ATRIP: variants seen among roughly 807,000 people sequenced by gnomAD.
ATRIP encodes the protein ATR interacting protein, also known as ATR-interacting protein.
ATRIP carries 44 observed loss-of-function variants against 78.1 expected under a neutral mutation model. The observed-to-expected ratio is 0.56, with a 90% confidence interval of 0.44 to 0.72. The LOEUF (loss-of-function observed/expected upper bound fraction) is 0.72, where lower values mean the gene tolerates loss of function less well. Among genes scored for constraint, ATRIP ranks in the 30% least tolerant of loss-of-function variants. ATRIP has a pLI of 0.00. For missense variants in ATRIP, 927 were observed against 980.2 expected (o/e 0.95, Z 0.72); for synonymous variants, 388 against 408.9 (o/e 0.95, Z 0.62).
chr3:48,459,706 G>A, intron 6 of ATRIP, 81 bp from the exon 7 acceptor site: 4 of 1,558,864 alleles, frequency 2.6e-6, no homozygotes, highest in Non-Finnish European at 3.5e-6. Context: ...GGCATCCAAA[G>A]AATCCTTACT....
chr3:48,464,433 C>T, intron 10 of ATRIP, 149 bp from the exon 11 acceptor site: 1 of 942,398 alleles, frequency 1.1e-6, no homozygotes, highest in Non-Finnish European at 1.7e-6. Flanking sequence ...CCTGGGTCTT[C>T]CCTGGGAAGG....
chr3:48,466,387 A>T lies in ATRIP; in HGVS notation c.*833A>T. The T allele has an allele frequency of 6.6e-7, 1 of 1,512,786 alleles. No individual in the cohort carries two copies. Among genetic ancestry groups the T allele is most frequent in the Non-Finnish European group, 9.1e-7 (1 of 1,097,576 alleles). The allele number at this position is 1,512,786 out of a possible 1,614,324, so 93.7% of individuals were successfully genotyped here. ...CCCCACCCCAGACTAAGGGGGCACT[A>T]GGGGAGGGGCCGAGTCATGTGAAGA... On this transcript the variant is annotated 3_prime_UTR_variant, in exon 13 of 13. Coordinates refer to ENST00000320211, the MANE Select transcript of ATRIP (RefSeq NM_130384.3).
chr3:48,463,131 C>G (rs532558369), intron 8 of ATRIP, among the ~76,000 whole-genome samples: 10 of 152,210 alleles, frequency 6.6e-5, no homozygotes, highest in Non-Finnish European at 1.2e-4. Flanking sequence ...GTGGGTTGAG[C>G]AAACAGCAGC....
intron 8 of ATRIP, 148 bp from the exon 9 acceptor site, chr3:48,463,597 G>C: frequency 1.9e-6 from 2 of 1,080,764 alleles, no homozygotes; most frequent in Non-Finnish European, 2.7e-6. Flanking sequence ...GTAGGGGTCA[G>C]GCCAGCACTG....
At position 48,451,058 on chromosome 3, in the gene ATRIP, G is replaced by A. The variant is rs1046804887; in HGVS notation, c.382-671G>A. Among the ~76,000 whole-genome samples the A allele has an allele frequency of 7.3e-5, 11 of 151,722 alleles. 1 individual carries two copies. The South Asian group carries it at 2.1e-3, about 29-fold the overall frequency. On this transcript the variant is annotated intron_variant, in intron 2 of 12. Coordinates refer to ENST00000320211, the MANE Select transcript of ATRIP (RefSeq NM_130384.3). Reference sequence around the variant, plus strand: ...ACAAAAATTAGCTAGGCATGGTGGCGGGCACCTGTAATCTCAGCTACTCGG... The same window carrying A: ...ACAAAAATTAGCTAGGCATGGTGGCAGGCACCTGTAATCTCAGCTACTCGG...
rs1215975317 is a variant in ATRIP at position 48,464,098 on chromosome 3, C to T, written c.1940C>T (p.Ala647Val). ...ATCACATCACGGCCTGACAGAGTGG[C>T]CTTGGAGACACAATGGCTCCAGCTG... ...MYITSRPDRV[A>V]LETQWLQLEQ... The change falls in exon 10 of 13, where the codon GCC (alanine) becomes GTC (valine). Residue 647 changes from alanine to valine, a missense_variant. Physicochemically the swap from Ala to Val is moderately conservative, Grantham distance 64 (BLOSUM62 0). Transcript: ENST00000320211. The T allele has an allele frequency of 6.2e-7, 1 of 1,613,878 alleles. No individual in the cohort carries two copies. The highest frequency in any genetic ancestry group is 1.3e-5 in the African/African-American group (1 of 75,048).
chr3:48,458,480 A>G (rs933860022), intron 5 of ATRIP, among the ~76,000 whole-genome samples: 1 of 151,530 alleles, frequency 6.6e-6, no homozygotes, highest in African/African-American at 2.4e-5. Context: ...GCGCCACCAC[A>G]CCCAGCTAAT....
At position 48,466,514 on chromosome 3, in the gene ATRIP, G is replaced by C. The variant is rs1193276098; in HGVS notation, c.*960G>C. ...AAATGGGCCCTGGAGCTCGCAGACA[G>C]GGCAGGATTGTGCAGGGAAGGCCTG... On this transcript the variant is annotated 3_prime_UTR_variant, in exon 13 of 13. Coordinates refer to ENST00000320211, the MANE Select transcript of ATRIP (RefSeq NM_130384.3). The C allele has an allele frequency of 6.2e-7, 1 of 1,613,878 alleles. No homozygotes were observed. The highest frequency in any genetic ancestry group is 8.5e-7 in the Non-Finnish European group (1 of 1,180,022).
In ATRIP at chr3:48,464,023, G is replaced by A; in HGVS notation, c.1883-18G>A. 6.2e-7 allele frequency: 1 copy of A among 1,611,722 alleles called. No homozygotes were observed. Among genetic ancestry groups the A allele is most frequent in the Non-Finnish European group, 8.5e-7 (1 of 1,178,730 alleles). ...TGAGAAAGGGCACCCTGAGTGAGAG[G>A]TGCGCTGTCCTTTTCAGAAGGCTGC... is the stretch of plus-strand genomic sequence containing the variant. On this transcript the variant is annotated intron_variant, in intron 9 of 12. Coordinates refer to ENST00000320211, the MANE Select transcript of ATRIP (RefSeq NM_130384.3).
intron 5 of ATRIP, 59 bp downstream of exon 5, chr3:48,457,475 C>T: frequency 7.7e-7 from 1 of 1,290,870 alleles, no homozygotes; most frequent in Non-Finnish European, 1.0e-6. Context: ...TGGCTTAAAA[C>T]AATTATTATT....
chr3:48,464,262 T>A, intron 10 of ATRIP, 130 bp downstream of exon 10: 1 of 859,624 alleles, frequency 1.2e-6, no homozygotes, highest in Non-Finnish European at 1.8e-6. Context: ...ATAAAGCAAC[T>A]AAAGAGGTAA....
rs780467272 is a variant in ATRIP, at chr3:48,466,690, A to G, written c.*1136A>G. The G allele has an allele frequency of 2.7e-5, 44 of 1,613,828 alleles. 1 individual carries two copies. Among genetic ancestry groups the G allele is most frequent in the Non-Finnish European group, 3.7e-5 (44 of 1,179,974 alleles). On this transcript the variant is annotated 3_prime_UTR_variant, in exon 13 of 13. Coordinates refer to ENST00000320211, the MANE Select transcript of ATRIP (RefSeq NM_130384.3). ...CAGGCCCTGCCCCCGGGGCCCATGC[A>G]GACCCTCATCTTTTTCGACATGGAG...
intron 8 of ATRIP, among the ~76,000 whole-genome samples, chr3:48,461,676 T>A (rs2040115185): frequency 6.6e-6 from 1 of 151,408 alleles, no homozygotes; most frequent in African/African-American, 2.5e-5. Flanking sequence ...TCATAGTGGC[T>A]GTTTTTTTTT....
At chr3:48,451,051 T>C (rs548422455) in intron 2 of ATRIP, among the ~76,000 whole-genome samples, 10 of 151,888 alleles carry the variant, frequency 6.6e-5, no homozygotes, top group Admixed American at 5.9e-4. Context: ...TAGCTAGGCA[T>C]GGTGGCGGGC....
intron 9 of ATRIP, 46 bp downstream of exon 9, chr3:48,463,927 G>A (rs759684094): frequency 6.2e-6 from 10 of 1,611,288 alleles, no homozygotes; most frequent in East Asian, 2.2e-5. Context: ...TGCAGATCAA[G>A]GGAAGGGTTG....
rs2039690605 is a variant in ATRIP at position 48,446,933 on chromosome 3, C to T, written c.88C>T (p.Pro30Ser). The change falls in exon 1 of 13, where the codon CCG becomes TCG. Residue 30 changes from proline (P) to serine (S), a missense_variant. Physicochemically the swap from Pro to Ser is moderately conservative, Grantham distance 74 (BLOSUM62 -1). Coordinates refer to ENST00000320211, the MANE Select transcript of ATRIP (RefSeq NM_130384.3). ...PGPPPGTGHP[P>S]SKRARGFSAA... Reference sequence around the variant, plus strand: ...CCCGCCGCCGGGCACCGGGCACCCCCCGAGCAAGCGGGCCCGGGGCTTCTC... The same window carrying T: ...CCCGCCGCCGGGCACCGGGCACCCCTCGAGCAAGCGGGCCCGGGGCTTCTC... 1 of 1,461,018 alleles carries T rather than the reference C, an allele frequency of 6.8e-7. No homozygotes were observed. Among genetic ancestry groups the T allele is most frequent in the Admixed American group, 2.7e-5 (1 of 36,758 alleles). 90.5% of individuals were successfully genotyped at this position (1,461,018 alleles called of 1,614,324 possible). A position where few individuals can be genotyped will look rare whatever the true frequency, so the allele number is the denominator to read the frequency against.
chr3:48,465,194 G>T, intron 12 of ATRIP, 111 bp downstream of exon 12: 3 of 1,388,452 alleles, frequency 2.2e-6, no homozygotes, highest in Non-Finnish European at 2.9e-6. Context: ...ACTGCAGCCT[G>T]TTCCAGCACT....
intron 10 of ATRIP, 102 bp from the exon 11 acceptor site, chr3:48,464,480 A>G: frequency 7.7e-7 from 1 of 1,298,342 alleles, no homozygotes; most frequent in Non-Finnish European, 1.1e-6. Context: ...TGTGCAGACA[A>G]ACAGTTGCTG....
chr3:48,449,135 C>T lies in ATRIP; in HGVS notation c.248-902C>T, dbSNP rs1053966828. 7.2e-5 allele frequency among the ~76,000 whole-genome samples: 11 copies of T among 152,080 alleles called. No individual in the cohort carries two copies. In the East Asian group the frequency reaches 9.6e-4, roughly 13 times the overall value. On this transcript the variant is annotated intron_variant, in intron 1 of 12. Transcript: ENST00000320211. ...AGAAGGATCATTTATGAGTTTCAGC[C>T]GGGTGTGGTGGCTCACGCCTGTAAT...
Sources: allele counts gnomAD v4.1 joint callset (sites outside exome capture counted in the v4.1 genomes callset), GRCh38; gene constraint gnomAD v4.1.1; transcripts MANE v1.5; gene names NCBI Gene and HGNC (gene_info 2026-07-23, HGNC 2026-07-21).